Variants in SLCO5A1 observed in about 807,000 individuals in gnomAD.
SLCO5A1 encodes the protein organic anion transporter polypeptide-related protein 4.
In SLCO5A1, 39 loss-of-function variants were observed where a neutral mutation model predicts 65.1. The observed-to-expected ratio is 0.60, with a 90% CI of 0.46 to 0.78. The LOEUF is 0.78. Ranked by LOEUF, SLCO5A1 falls within the 30% of genes least tolerant of loss-of-function variation. The pLI is 0.00. For synonymous variants in SLCO5A1, 438 were observed against 415.7 expected, an observed-to-expected ratio of 1.05 and a Z score of -0.65; for missense variants, 1,029 against 1,069.4, an observed-to-expected ratio of 0.96 and a Z score of 0.53.
At chr8:69,695,242 C>A (rs113378935) in intron 6 of SLCO5A1, among the ~76,000 whole-genome samples, 501 of 152,264 alleles carry the variant, frequency 3.3e-3, no homozygotes, top group African/African-American at 0.011. Flanking sequence ...CATCTGTAAT[C>A]CCAGCACTTT....
Position 69,678,813 on chromosome 8 carries a change from A to G in SLCO5A1, c.2024+565T>C, listed in dbSNP as rs534523215. Among the ~76,000 whole-genome samples the G allele has an allele frequency of 3.1e-4, 47 of 150,872 alleles. No individual in the cohort carries two copies. In the East Asian group the frequency reaches 9.0e-3, roughly 29 times the overall value. The stretch of plus-strand genomic sequence containing the variant: ...GCCTGAAAAACTGAAAAAAAAAAAA[A>G]GGGAGAAATCACATTCCCCAATATG... On this transcript the variant is annotated intron_variant, in intron 8 of 9. Transcript: ENST00000260126.
At chr8:69,819,959 T>G (rs1027385618) in intron 2 of SLCO5A1, among the ~76,000 whole-genome samples, 8 of 152,108 alleles carry the variant, frequency 5.3e-5, no homozygotes, top group Non-Finnish European at 1.2e-4. Flanking sequence ...CAAGACTCCA[T>G]CTCAAAAACA....
intron 2 of SLCO5A1, among the ~76,000 whole-genome samples, chr8:69,826,445 A>G (rs2130925591): frequency 6.6e-6 from 1 of 152,166 alleles, no homozygotes; most frequent in South Asian, 2.1e-4. Context: ...AAAAAAACAA[A>G]CAACCCCATC....
chr8:69,762,194 CT>C (rs1563708305), intron 2 of SLCO5A1, among the ~76,000 whole-genome samples: 2 of 66,598 alleles, frequency 3.0e-5, no homozygotes, highest in African/African-American at 1.3e-4. Context: ...TTCTTTCTTT[CT>C]TTCTTTTTTG....
intron 5 of SLCO5A1, among the ~76,000 whole-genome samples, chr8:69,716,782 CT>C (rs61059795): frequency 0.59 from 83,921 of 142,968 alleles, 24,478 homozygotes; most frequent in South Asian, 0.7. Flanking sequence ...TGTGTTTTTC[CT>C]TTTTTTTTTT....
chr8:69,747,634 C>A (rs148040621), intron 4 of SLCO5A1, among the ~76,000 whole-genome samples: 1 of 152,120 alleles, frequency 6.6e-6, no homozygotes, highest in Non-Finnish European at 1.5e-5. Context: ...ACTTGAGCAT[C>A]GTGGATTTTG....
chr8:69,704,518 T>C (rs1814885158), intron 6 of SLCO5A1, among the ~76,000 whole-genome samples: 1 of 152,126 alleles, frequency 6.6e-6, no homozygotes, highest in Non-Finnish European at 1.5e-5. Context: ...AGAGGGACAA[T>C]TGAAAATACA....
chr8:69,791,905 T>C (rs1387807128), intron 2 of SLCO5A1, among the ~76,000 whole-genome samples: 1 of 152,210 alleles, frequency 6.6e-6, no homozygotes, highest in African/African-American at 2.4e-5. Flanking sequence ...ATAAACAACA[T>C]TATAAATAGT....
chr8:69,702,506 C>T (rs1364557182), intron 6 of SLCO5A1, among the ~76,000 whole-genome samples: 1 of 106,478 alleles, frequency 9.4e-6, no homozygotes. Flanking sequence ...ACACATCTTA[C>T]ACACACACAC....
At chr8:69,697,163 A>ATTCG (rs1339570817) in intron 6 of SLCO5A1, among the ~76,000 whole-genome samples, 1 of 152,256 alleles carries the variant, frequency 6.6e-6, no homozygotes, top group Non-Finnish European at 1.5e-5. Context: ...GCACTCATTC[A>ATTCG]TTCGTTCATT....
chr8:69,784,805 G>GAA (rs755611408), intron 2 of SLCO5A1, among the ~76,000 whole-genome samples: 83 of 76,014 alleles, frequency 1.1e-3, no homozygotes, highest in African/African-American at 4.0e-3. Flanking sequence ...AAGAAAGAAA[G>GAA]AAAGAAAAAG....
intron 6 of SLCO5A1, among the ~76,000 whole-genome samples, chr8:69,685,415 C>G (rs2130792586): frequency 6.6e-6 from 1 of 152,276 alleles, no homozygotes; most frequent in Middle Eastern, 3.4e-3. Flanking sequence ...CATCCTTGTG[C>G]AAAAGGACTG....
chr8:69,793,148 C>G (rs1292772928), intron 2 of SLCO5A1, among the ~76,000 whole-genome samples: 1 of 151,924 alleles, frequency 6.6e-6, no homozygotes, highest in African/African-American at 2.4e-5. Flanking sequence ...CACCCAGCCA[C>G]TTTTTGTGTG....
rs1290961693 is a variant in SLCO5A1, at chr8:69,729,445, A to AC, written c.1423+8594dup. 1.5e-3 allele frequency among the ~76,000 whole-genome samples: 99 copies of AC among 64,404 alleles called. 1 individual carries two copies. The highest frequency in any genetic ancestry group is 6.0e-3 in the African/African-American group (95 of 15,738). 42.3% of individuals were successfully genotyped at this position (64,404 alleles called of 152,430 possible). A position where few individuals can be genotyped will look rare whatever the true frequency, so the allele number is the denominator to read the frequency against. ...GGCGAAAGAGCGAGACTCCGTCCCAACAAAAAAAAAAAAAAAAAAAAAAAA... is the reference window on the plus strand; with the variant it reads ...GGCGAAAGAGCGAGACTCCGTCCCAACCAAAAAAAAAAAAAAAAAAAAAAAA... On this transcript the variant is annotated intron_variant, in intron 5 of 9. Transcript: ENST00000260126.
chr8:69,703,947 G>A (rs1008959026), intron 6 of SLCO5A1, among the ~76,000 whole-genome samples: 1 of 152,178 alleles, frequency 6.6e-6, no homozygotes, highest in Non-Finnish European at 1.5e-5. Flanking sequence ...ACAATGGTGT[G>A]TGACTTAGCA....
At chr8:69,794,277 T>C (rs754905356) in intron 2 of SLCO5A1, 2 of 479,374 alleles carry the variant, frequency 4.2e-6, no homozygotes, top group African/African-American at 2.0e-5. Context: ...TTTTGCTGAA[T>C]GGGGAGAAGT....
At chr8:69,690,691 A>C (rs2933069) in intron 6 of SLCO5A1, among the ~76,000 whole-genome samples, 14,611 of 152,244 alleles carry the variant, frequency 0.096, 908 homozygotes, top group African/African-American at 0.17. Flanking sequence ...AGCTATATTC[A>C]GAGAAGATAC....
rs1318422748 is a variant in SLCO5A1 at position 69,750,606 on chromosome 8, G to C, written c.1258+4818C>G. Reference sequence around the variant, plus strand: ...ACATCTACACAGTCCCAGTTTTCTGGCCTTTGCTCTCTCTGCCTGAACATT... The same window carrying C: ...ACATCTACACAGTCCCAGTTTTCTGCCCTTTGCTCTCTCTGCCTGAACATT... On this transcript the variant is annotated intron_variant, in intron 4 of 9. Transcript: ENST00000260126. Among the ~76,000 whole-genome samples the C allele has an allele frequency of 4.6e-5, 7 of 151,998 alleles. No individual in the cohort carries two copies. The East Asian group carries it at 1.4e-3, about 29-fold the overall frequency.
At chr8:69,803,757 G>A (rs534212005) in intron 2 of SLCO5A1, among the ~76,000 whole-genome samples, 1 of 152,200 alleles carries the variant, frequency 6.6e-6, no homozygotes, top group East Asian at 1.9e-4. Flanking sequence ...GGGAGGCCAT[G>A]GTGGAAAAAC....
Sources: gnomAD v4.1 joint callset for allele counts (sites outside exome capture counted in the v4.1 genomes callset) on GRCh38, gnomAD v4.1.1 for gene constraint, MANE v1.5 for transcripts, NCBI Gene and HGNC (gene_info 2026-07-23, HGNC 2026-07-21) for gene names.